USP34: variants seen among roughly 807,000 people sequenced by gnomAD.
USP34 encodes ubiquitin specific peptidase 34.
A neutral mutation model predicts 460.3 loss-of-function variants in USP34; 70 were observed. The observed-to-expected ratio is 0.15, with a 90% CI of 0.13 to 0.19. USP34 has a LOEUF of 0.19. USP34 is among the 10% of genes least tolerant of loss of function. The pLI, the probability that USP34 is intolerant of heterozygous loss-of-function variation, is 1.00. For synonymous variants in USP34, 1,647 were observed against 1,405.3 expected (o/e 1.17, Z -3.85); for missense variants, 3,985 against 4,236.2 (o/e 0.94, Z 1.65).
chr2:61,293,032 T>C (rs1271001586), intron 33 of USP34, among the ~76,000 whole-genome samples: 2 of 152,022 alleles, frequency 1.3e-5, no homozygotes, highest in Non-Finnish European at 2.9e-5. Flanking sequence ...TCTATATCCA[T>C]CTCAATGTAA....
intron 75 of USP34, among the ~76,000 whole-genome samples, chr2:61,198,059 G>A (rs1251489296): frequency 2.0e-5 from 3 of 152,052 alleles, no homozygotes; most frequent in East Asian, 3.9e-4. Flanking sequence ...GTGCCGGGCC[G>A]GCAGTACCAG....
At chr2:61,326,297 T>C (rs1326095235) in intron 20 of USP34, among the ~76,000 whole-genome samples, 1 of 152,220 alleles carries the variant, frequency 6.6e-6, no homozygotes, top group East Asian at 1.9e-4. Flanking sequence ...AACCTCTGCC[T>C]TCCAGGTTCA....
chr2:61,261,115 T>C (rs1688865854), intron 43 of USP34, among the ~76,000 whole-genome samples: 1 of 152,128 alleles, frequency 6.6e-6, no homozygotes, highest in South Asian at 2.1e-4. Context: ...CTCAAAAAAC[T>C]AAACACACAA....
chr2:61,255,355 C>G (rs1425032064), intron 48 of USP34, among the ~76,000 whole-genome samples: 4 of 152,190 alleles, frequency 2.6e-5, no homozygotes, highest in Non-Finnish European at 4.4e-5. Flanking sequence ...TTCTAGACCT[C>G]TCACCAAGCT....
chr2:61,272,682 C>T (rs956600033), intron 41 of USP34, among the ~76,000 whole-genome samples: 1 of 152,122 alleles, frequency 6.6e-6, no homozygotes, highest in Non-Finnish European at 1.5e-5. Flanking sequence ...TCACATCTCT[C>T]CTGTATGAAA....
intron 20 of USP34, among the ~76,000 whole-genome samples, chr2:61,330,248 T>C (rs998517036): frequency 5.3e-5 from 8 of 152,196 alleles, no homozygotes; most frequent in African/African-American, 1.7e-4. Flanking sequence ...AAATGGGTTG[T>C]TGTATATCTT....
chr2:61,264,641 C>CA (rs1423860281), intron 43 of USP34, among the ~76,000 whole-genome samples: 48 of 151,386 alleles, frequency 3.2e-4, no homozygotes, highest in Non-Finnish European at 5.5e-4. Context: ...AGTCCTGCCT[C>CA]AAAAAAATAA....
intron 3 of USP34, among the ~76,000 whole-genome samples, chr2:61,399,157 A>T (rs183899868): frequency 6.6e-4 from 100 of 152,058 alleles, no homozygotes; most frequent in Non-Finnish European, 1.3e-3. Context: ...GTTCAAGACC[A>T]GCCTAACATG....
At chr2:61,365,478 C>G (rs1692408519) in intron 10 of USP34, among the ~76,000 whole-genome samples, 1 of 151,938 alleles carries the variant, frequency 6.6e-6, no homozygotes, top group African/African-American at 2.4e-5. Context: ...AACATTCACT[C>G]AAACTCTTCT....
intron 15 of USP34, among the ~76,000 whole-genome samples, chr2:61,346,067 A>G (rs914912451): frequency 2.4e-4 from 37 of 152,202 alleles, no homozygotes; most frequent in African/African-American, 4.8e-5. Flanking sequence ...CCCTAAAATT[A>G]GATGTGTAAA....
chr2:61,402,873 A>G (rs751754238), intron 3 of USP34, among the ~76,000 whole-genome samples: 8 of 152,140 alleles, frequency 5.3e-5, no homozygotes, highest in Non-Finnish European at 1.0e-4. Flanking sequence ...ATACATATAT[A>G]TAATTTTATA....
At chr2:61,285,716 T>A (rs528181072) in intron 34 of USP34, among the ~76,000 whole-genome samples, 11 of 152,194 alleles carry the variant, frequency 7.2e-5, no homozygotes, top group African/African-American at 2.2e-4. Context: ...CATCAAGTAG[T>A]AATAGATTCC....
At chr2:61,205,799 C>G (rs1687103000) in intron 72 of USP34, among the ~76,000 whole-genome samples, 1 of 152,140 alleles carries the variant, frequency 6.6e-6, no homozygotes, top group African/African-American at 2.4e-5. Context: ...GTCGGGGAGA[C>G]TGTATATATT....
At chr2:61,393,985 G>A (rs1255589295) in intron 5 of USP34, among the ~76,000 whole-genome samples, 1 of 152,062 alleles carries the variant, frequency 6.6e-6, no homozygotes, top group Admixed American at 6.6e-5. Context: ...GCCGGGCATG[G>A]TGGTTCGTGC....
chr2:61,342,514 G>A (rs530737526), intron 16 of USP34, among the ~76,000 whole-genome samples: 1 of 151,284 alleles, frequency 6.6e-6, no homozygotes, highest in Non-Finnish European at 1.5e-5. Context: ...GTTTCACCAC[G>A]TTGGCTAGAC....
intron 5 of USP34, among the ~76,000 whole-genome samples, chr2:61,385,453 C>CCT (rs1693108026): frequency 6.6e-6 from 1 of 151,490 alleles, no homozygotes. Context: ...GGGCGGATCA[C>CCT]GAGGTCAGGA....
rs1391043943 is a variant in USP34 at position 61,188,564 on chromosome 2, G to A, written c.10179C>T (p.Ser3393=). The A allele has an allele frequency of 6.2e-7, 1 of 1,614,132 alleles. No homozygotes were observed. The highest frequency in any genetic ancestry group is 8.5e-7 in the Non-Finnish European group (1 of 1,180,034). ...TSTSDNETRD[S]SIIDPGTEQD... ...GCTCAGTTCCTGGATCAATAATTGA[G>A]GAGTCTCTGGTCTCATTGTCAGAAG... Residue 3393 remains serine, a synonymous_variant, in exon 80 of 80, where the codon TCC becomes TCT. Coordinates refer to ENST00000398571, the MANE Select transcript of USP34 (RefSeq NM_014709.4).
intron 75 of USP34, among the ~76,000 whole-genome samples, chr2:61,202,807 C>T (rs532280592): frequency 6.6e-6 from 1 of 152,130 alleles, no homozygotes; most frequent in Non-Finnish European, 1.5e-5. Flanking sequence ...TCCACCTCTA[C>T]GCCTGCCTCC....
chr2:61,314,569 A>C lies in USP34; in HGVS notation c.3542+16T>G, dbSNP rs779216706. 1 of 1,468,536 alleles carries C rather than the reference A, an allele frequency of 6.8e-7. No individual in the cohort carries two copies. The highest frequency in any genetic ancestry group is 9.0e-7 in the Non-Finnish European group (1 of 1,111,486). The allele number at this position is 1,468,536 out of a possible 1,614,324, so 91.0% of individuals were successfully genotyped here. On this transcript the variant is annotated intron_variant, in intron 25 of 79. Transcript: ENST00000398571. ...AAATGAAATTCATTCTAACAGTGTG[A>C]TATTTTAAAAATTACCTTCTCCTAA...
Sources: gnomAD v4.1 joint callset for allele counts (sites outside exome capture counted in the v4.1 genomes callset) on GRCh38, gnomAD v4.1.1 for gene constraint, MANE v1.5 for transcripts, NCBI Gene and HGNC (gene_info 2026-07-23, HGNC 2026-07-21) for gene names.